Variants in MFAP1 observed in about 807,000 individuals in gnomAD.
MFAP1 encodes the protein microfibrillar-associated protein 1.
Under a neutral mutation model 62.2 loss-of-function variants are expected in MFAP1, and 18 were observed. The observed-to-expected ratio is 0.29, with a 90% CI of 0.20 to 0.43. The LOEUF is 0.43. Ranked by LOEUF, MFAP1 falls within the 20% of genes least tolerant of loss-of-function variation. The probability of loss-of-function intolerance (pLI) is 1.00; values close to 1 mark genes in which losing one functional copy is unlikely to be tolerated. For missense variants in MFAP1, 355 were observed against 559.7 expected (o/e 0.63, Z 3.69); for synonymous variants, 175 against 180.4 (o/e 0.97, Z 0.24).
Position 43,813,113 on chromosome 15 carries a change from T to C in MFAP1, c.761A>G (p.Glu254Gly), listed in dbSNP as rs372063834. The part of the protein sequence containing the change: ...VEEETKKELE[E>G]NKRSLAALDA... ...CAATGCAGCCAGGGATCGCTTGTTCTCTTCCAGCTCTTTTTTGGTTTCCTC... is the reference window on the plus strand; with the variant it reads ...CAATGCAGCCAGGGATCGCTTGTTCCCTTCCAGCTCTTTTTTGGTTTCCTC... Residue 254 changes from glutamate to glycine, a missense_variant, in exon 6 of 9, where the codon GAG becomes GGG. By Grantham distance (98) the Glu-to-Gly change is moderately conservative (BLOSUM62 -2). Around this residue, in one of 6 missense-constraint regions of MFAP1, gnomAD observed 257 missense variants for 341.3 expected, o/e 0.75. Transcript: ENST00000267812. 6.2e-6 allele frequency: 10 copies of C among 1,614,100 alleles called. No homozygotes were observed. Among genetic ancestry groups the C allele is most frequent in the Admixed American group, 1.7e-5 (1 of 59,992 alleles).
chr15:43,806,530 C>T (rs189699185), intron 7 of MFAP1, among the ~76,000 whole-genome samples: 2 of 152,324 alleles, frequency 1.3e-5, no homozygotes, highest in South Asian at 4.1e-4. Context: ...GACTGTAACT[C>T]ATTATAATCT....
rs565370041 is a variant in MFAP1 at position 43,820,504 on chromosome 15, C to A, written c.80-3056G>T. On this transcript the variant is annotated intron_variant, in intron 1 of 8. Coordinates refer to ENST00000267812, the MANE Select transcript of MFAP1 (RefSeq NM_005926.3). ...TGTCTTTGTAGAAAACACAAGATAA[C>A]AAATAGATAAAAGAGTTCAGAAAAA... 2.0e-5 allele frequency among the ~76,000 whole-genome samples: 3 copies of A among 152,130 alleles called. No individual in the cohort carries two copies. The East Asian group carries it at 5.8e-4, about 29-fold the overall frequency.
At position 43,809,904 on chromosome 15, in the gene MFAP1, CCTT is replaced by C; in HGVS notation, c.895_897del (p.Lys299del). The C allele has an allele frequency of 6.2e-7, 1 of 1,614,178 alleles. No individual in the cohort carries two copies. The highest frequency in any genetic ancestry group is 8.5e-7 in the Non-Finnish European group (1 of 1,180,016). On this transcript the variant is annotated inframe_deletion, in exon 7 of 9. Transcript: ENST00000267812. ...CGCATGCGTTCAATTTCTGCTTTCTCCTTCTCAAGCCTGTCCAGGGAGCAAAAC... is the reference window on the plus strand; with the variant it reads ...CGCATGCGTTCAATTTCTGCTTTCTCCTCAAGCCTGTCCAGGGAGCAAAAC...
chr15:43,806,594 G>A (rs1035565366), intron 7 of MFAP1, among the ~76,000 whole-genome samples: 1 of 152,202 alleles, frequency 6.6e-6, no homozygotes, highest in East Asian at 1.9e-4. Context: ...CAACACCTAG[G>A]CTGGGCGCAG....
At chr15:43,815,296 C>T (rs540382205) in intron 2 of MFAP1, among the ~76,000 whole-genome samples, 1 of 152,240 alleles carries the variant, frequency 6.6e-6, no homozygotes, top group South Asian at 2.1e-4. Flanking sequence ...CCTCCCACCT[C>T]AGCCTCCTGA....
chr15:43,823,583 C>T (rs968556803), intron 1 of MFAP1, among the ~76,000 whole-genome samples: 1 of 151,598 alleles, frequency 6.6e-6, no homozygotes, highest in Non-Finnish European at 1.5e-5. Flanking sequence ...TCGCCATGAT[C>T]GCCAGGCTGT....
In MFAP1 at chr15:43,814,930, G is replaced by C; in HGVS notation, c.429+15C>G. The C allele has an allele frequency of 6.2e-7, 1 of 1,611,806 alleles. No individual in the cohort carries two copies. The highest frequency in any genetic ancestry group is 1.3e-5 in the African/African-American group (1 of 74,908). ...TTATATCCAGAAAAAAACTTCCCAT[G>C]TTCCTTTATCATACCTCATCATCAA... On this transcript the variant is annotated intron_variant, in intron 3 of 8. Transcript: ENST00000267812.
chr15:43,805,636 G>A (rs2087359237), intron 7 of MFAP1, among the ~76,000 whole-genome samples, 171 bp from the exon 8 acceptor site: 1 of 150,636 alleles, frequency 6.6e-6, no homozygotes, highest in African/African-American at 2.4e-5. Flanking sequence ...TTTCTGAGAC[G>A]GACTCTCGCT....
In MFAP1 at chr15:43,809,884, G is replaced by A. The variant is rs1157711083; in HGVS notation, c.918C>T (p.Arg306=). ...TCTCTTCCTCAGTCAGGTTTCGCAT[G>A]CGTTCAATTTCTGCTTTCTCCTTCT... The part of the protein sequence containing the change: ...ALEKEKAEIE[R]MRNLTEEERR... The change falls in exon 7 of 9, where the codon CGC becomes CGT. Residue 306 remains arginine (R), a synonymous_variant. Transcript: ENST00000267812. The A allele has an allele frequency of 1.2e-6, 2 of 1,614,164 alleles. No homozygotes were observed. Among genetic ancestry groups the A allele is most frequent in the Non-Finnish European group, 8.5e-7 (1 of 1,180,022 alleles).
chr15:43,814,697 T>A lies in MFAP1; in HGVS notation c.430-9A>T. ...CGCCGCCGCTCTATTTCCTATCAAGTCATATATATAAGCCAGTCAGTCAAA... is the reference window on the plus strand; with the variant it reads ...CGCCGCCGCTCTATTTCCTATCAAGACATATATATAAGCCAGTCAGTCAAA... On this transcript the variant is annotated splice_polypyrimidine_tract_variant and intron_variant, in intron 3 of 8. Coordinates refer to ENST00000267812, the MANE Select transcript of MFAP1 (RefSeq NM_005926.3). The A allele has an allele frequency of 6.2e-7, 1 of 1,613,292 alleles. No individual in the cohort carries two copies. The highest frequency in any genetic ancestry group is 8.5e-7 in the Non-Finnish European group (1 of 1,179,622).
At position 43,824,585 on chromosome 15, in the gene MFAP1, G is replaced by T; in HGVS notation, c.-16C>A. On this transcript the variant is annotated 5_prime_UTR_variant, in exon 1 of 9. Transcript: ENST00000267812. ...GGACCGACATGTTGATGGCAGCGAC[G>T]GTGATTCCCGAAACTTGACTAATTC... is the stretch of plus-strand genomic sequence containing the variant. The T allele has an allele frequency of 6.2e-7, 1 of 1,613,994 alleles. No homozygotes were observed.
intron 7 of MFAP1, among the ~76,000 whole-genome samples, chr15:43,808,090 T>C (rs949928161): frequency 1.2e-4 from 18 of 152,206 alleles, no homozygotes; most frequent in African/African-American, 3.9e-4. Flanking sequence ...CAGTGAGCCA[T>C]GACTGCACCA....
chr15:43,805,337 C>A, intron 8 of MFAP1, 39 bp downstream of exon 8: 1 of 1,604,150 alleles, frequency 6.2e-7, no homozygotes, highest in Non-Finnish European at 8.5e-7. Context: ...GCTATCAATA[C>A]ATCACTTTTC....
At chr15:43,821,056 C>T (rs2087463941) in intron 1 of MFAP1, among the ~76,000 whole-genome samples, 1 of 152,144 alleles carries the variant, frequency 6.6e-6, no homozygotes, top group African/African-American at 2.4e-5. Context: ...AGACAGGTAC[C>T]ACCCAGGTAA....
chr15:43,805,189 C>T lies in MFAP1; in HGVS notation c.1225G>A (p.Glu409Lys), dbSNP rs1174898812. 6.2e-7 allele frequency: 1 copy of T among 1,603,830 alleles called. No individual in the cohort carries two copies. Among genetic ancestry groups the T allele is most frequent in the Admixed American group, 1.7e-5 (1 of 59,846 alleles). Residue 409 changes from glutamate (E) to lysine (K), a missense_variant, in exon 9 of 9, where the codon GAG becomes AAG. Physicochemically the swap from Glu to Lys is moderately conservative, Grantham distance 56. This residue lies in a region of MFAP1 where 44 missense variants were observed against 80.8 expected (regional missense o/e 0.54). Coordinates refer to ENST00000267812, the MANE Select transcript of MFAP1 (RefSeq NM_005926.3). The stretch of plus-strand genomic sequence containing the variant: ...AAGAACTTTGTGTTCTGGGCACTCT[C>T]TTGGCCCCAAGCTGAGTCAAAGGAG... Reference protein sequence around the residue: ...TTSFDSAWGQESAQNTKFFKQ... With the variant: ...TTSFDSAWGQKSAQNTKFFKQ...
chr15:43,813,876 C>A (rs2087418515), intron 4 of MFAP1, among the ~76,000 whole-genome samples: 1 of 152,128 alleles, frequency 6.6e-6, no homozygotes, highest in African/African-American at 2.4e-5. Context: ...CAGCAAAGAA[C>A]CTGCTGGCCT....
chr15:43,809,321 T>A (rs1382309609), intron 7 of MFAP1, among the ~76,000 whole-genome samples: 2 of 140,228 alleles, frequency 1.4e-5, no homozygotes, highest in Non-Finnish European at 1.6e-5. Context: ...TTACGAAAAA[T>A]TAAAAAAAAA....
At chr15:43,807,133 C>T (rs1277460326) in intron 7 of MFAP1, among the ~76,000 whole-genome samples, 4 of 151,634 alleles carry the variant, frequency 2.6e-5, no homozygotes, top group Non-Finnish European at 4.4e-5. Context: ...GGCACATCGC[C>T]TAAGGTCAGG....
intron 6 of MFAP1, 174 bp from the exon 7 acceptor site, chr15:43,810,088 C>T: frequency 1.4e-6 from 1 of 711,426 alleles, no homozygotes; most frequent in Non-Finnish European, 2.2e-6. Context: ...AGTTAGTCTT[C>T]ATTATGTTTG....
Sources: gnomAD v4.1 joint callset for allele counts (sites outside exome capture counted in the v4.1 genomes callset) on GRCh38, gnomAD v4.1.1 for gene constraint, gnomAD v4.1.1 regional missense constraint, MANE v1.5 for transcripts, NCBI Gene and HGNC (gene_info 2026-07-23, HGNC 2026-07-21) for gene names.